The following MYO6 variants were observed in gnomAD, a reference collection of about 807,000 sequenced individuals.
The protein encoded by MYO6 is myosin VI.
A neutral mutation model predicts 178.7 loss-of-function variants in MYO6; 74 were observed. The ratio of observed to expected loss-of-function variants is 0.41; its 90% CI spans 0.34 to 0.50. The LOEUF (loss-of-function observed/expected upper bound fraction) is 0.50, where lower values mean the gene tolerates loss of function less well. Ranked by LOEUF, MYO6 falls within the 20% of genes least tolerant of loss-of-function variation. MYO6 has a pLI of 0.09. For missense variants in MYO6, 1,330 were observed against 1,547.4 expected (o/e 0.86, Z 2.36); for synonymous variants, 477 against 504.6 (o/e 0.95, Z 0.73).
At chr6:75,776,097 G>A (rs1766360371) in intron 1 of MYO6, among the ~76,000 whole-genome samples, 1 of 152,094 alleles carries the variant, frequency 6.6e-6, no homozygotes, top group South Asian at 2.1e-4. Flanking sequence ...GCTGTACATT[G>A]TGGTGTACTT....
At chr6:75,914,416 C>A in intron 34 of MYO6, 135 bp downstream of exon 34, 1 of 915,114 alleles carries the variant, frequency 1.1e-6, no homozygotes, top group Non-Finnish European at 1.7e-6. Context: ...GGTTAAATCA[C>A]ATTTCCAGTT....
chr6:75,860,360 G>A (rs1181071484), intron 14 of MYO6, among the ~76,000 whole-genome samples: 1 of 152,156 alleles, frequency 6.6e-6, no homozygotes, highest in East Asian at 1.9e-4. Flanking sequence ...AGTCACATTA[G>A]TTCTATTACC....
chr6:75,861,830 A>T (rs9447566), intron 15 of MYO6, among the ~76,000 whole-genome samples: 2,978 of 152,228 alleles, frequency 0.02, 95 homozygotes, highest in African/African-American at 0.068. Context: ...CATTTCCTTA[A>T]CACACGGACC....
Position 75,885,187 on chromosome 6 carries a change from A to G in MYO6, c.2417-817A>G, listed in dbSNP as rs533674567. Among the ~76,000 whole-genome samples the G allele has an allele frequency of 1.1e-3, 164 of 152,336 alleles. 1 individual carries two copies. Among genetic ancestry groups the G allele is most frequent in the Non-Finnish European group, 1.2e-3 (79 of 68,042 alleles). ...CTTGGTTGTAATTTTTGCAAAGGCA[A>G]AATTACATCTTTCAACATCTTTTTA... On this transcript the variant is annotated intron_variant, in intron 23 of 34. Transcript: ENST00000369977.
chr6:75,870,030 C>T (rs529392942), intron 18 of MYO6, among the ~76,000 whole-genome samples: 2 of 151,840 alleles, frequency 1.3e-5, no homozygotes, highest in Admixed American at 1.3e-4. Context: ...AGGAGAATGG[C>T]GTGAACCCGG....
At chr6:75,770,990 A>AC (rs1342760238) in intron 1 of MYO6, among the ~76,000 whole-genome samples, 2 of 148,678 alleles carry the variant, frequency 1.3e-5, no homozygotes, top group African/African-American at 2.5e-5. Context: ...AGATAACAGC[A>AC]CTTTTTTTTT....
rs1778991329 is a variant in MYO6, at chr6:75,892,657, G to A, written c.3074G>A (p.Ser1025Asn). Residue 1025 changes from serine to asparagine, a missense_variant, in exon 28 of 35, where the codon AGT becomes AAT. Ser to Asn is a conservative substitution (Grantham distance 46). Coordinates refer to ENST00000369977, the MANE Select transcript of MYO6 (RefSeq NM_004999.4). ...RIAQSEAELI[S>N]DEAQADLALR... is the part of the protein sequence containing the mutation. The stretch of plus-strand genomic sequence containing the variant: ...GCCCAGAGTGAAGCCGAGCTCATCA[G>A]TGATGAGGCCCAGGCCGACCTGGCG... 1.2e-6 allele frequency: 2 copies of A among 1,612,592 alleles called. No individual in the cohort carries two copies. Among genetic ancestry groups the A allele is most frequent in the Non-Finnish European group, 1.7e-6 (2 of 1,180,016 alleles).
intron 1 of MYO6, among the ~76,000 whole-genome samples, chr6:75,777,607 T>C (rs1389993212): frequency 1.3e-5 from 2 of 151,678 alleles, no homozygotes; most frequent in Non-Finnish European, 2.9e-5. Flanking sequence ...TATATATATA[T>C]ATTTTTTTTT....
chr6:75,886,147 C>A, intron 24 of MYO6, 53 bp downstream of exon 24: 1 of 1,205,902 alleles, frequency 8.3e-7, no homozygotes, highest in Non-Finnish European at 1.2e-6. Context: ...TACTGTAATA[C>A]AAAATGACAA....
intron 1 of MYO6, among the ~76,000 whole-genome samples, chr6:75,808,146 A>T (rs143101255): frequency 6.6e-6 from 1 of 152,260 alleles, no homozygotes; most frequent in African/African-American, 2.4e-5. Flanking sequence ...GGGTGGTATT[A>T]GTCTGCTAGA....
chr6:75,904,982 G>A (rs962968715), intron 30 of MYO6, among the ~76,000 whole-genome samples: 33 of 152,174 alleles, frequency 2.2e-4, no homozygotes, highest in Admixed American at 7.9e-4. Context: ...TGGAGTACCC[G>A]GCCGTGTGAG....
At chr6:75,843,095 A>G (rs1774400191) in intron 9 of MYO6, among the ~76,000 whole-genome samples, 1 of 152,110 alleles carries the variant, frequency 6.6e-6, no homozygotes, top group Non-Finnish European at 1.5e-5. Flanking sequence ...TACTATATCC[A>G]CTTCCCCCAA....
At chr6:75,902,157 G>A (rs1319286108) in intron 30 of MYO6, among the ~76,000 whole-genome samples, 7 of 152,170 alleles carry the variant, frequency 4.6e-5, no homozygotes, top group Non-Finnish European at 1.0e-4. Flanking sequence ...TTGCATCAAT[G>A]TTCTTCAAGG....
At chr6:75,786,823 C>A (rs561022612) in intron 1 of MYO6, among the ~76,000 whole-genome samples, 33 of 152,264 alleles carry the variant, frequency 2.2e-4, no homozygotes, top group African/African-American at 7.9e-4. Context: ...GACATGCTGT[C>A]CCTTTACCCC....
intron 1 of MYO6, among the ~76,000 whole-genome samples, chr6:75,804,454 T>G (rs1769795933): frequency 6.6e-6 from 1 of 152,186 alleles, no homozygotes; most frequent in African/African-American, 2.4e-5. Flanking sequence ...CTTGGCCAGA[T>G]GAAAGAGTAA....
chr6:75,854,153 A>G (rs541795456), intron 11 of MYO6, among the ~76,000 whole-genome samples: 9 of 152,064 alleles, frequency 5.9e-5, no homozygotes, highest in Non-Finnish European at 1.0e-4. Context: ...CTGCTGCAAT[A>G]TATCTTTTCC....
intron 1 of MYO6, among the ~76,000 whole-genome samples, chr6:75,768,525 C>T (rs1422464986): frequency 5.9e-5 from 9 of 151,852 alleles, no homozygotes; most frequent in African/African-American, 9.6e-5. Context: ...GGACTACAGG[C>T]GCCTGCCACT....
At chr6:75,834,373 A>T (rs1343887312) in intron 6 of MYO6, among the ~76,000 whole-genome samples, 2 of 151,908 alleles carry the variant, frequency 1.3e-5, no homozygotes, top group Non-Finnish European at 2.9e-5. Context: ...ACTGGGACCC[A>T]CAGGCATGTG....
At position 75,857,049 on chromosome 6, in the gene MYO6, C is replaced by T. The variant is rs552891640; in HGVS notation, c.1224-48C>T. ...TTAGGTGCACTCTGTGGCATTTTCA[C>T]AGTGCACTATTATAAAGAATTTTTA... On this transcript the variant is annotated intron_variant, in intron 12 of 34. Coordinates refer to ENST00000369977, the MANE Select transcript of MYO6 (RefSeq NM_004999.4). 1.1e-5 allele frequency: 17 copies of T among 1,570,346 alleles called. No individual in the cohort carries two copies. In the Admixed American group the frequency reaches 2.2e-4, roughly 20 times the overall value.
Sources: allele counts gnomAD v4.1 joint callset (sites outside exome capture counted in the v4.1 genomes callset), GRCh38; gene constraint gnomAD v4.1.1; transcripts MANE v1.5; gene names NCBI Gene and HGNC (gene_info 2026-07-23, HGNC 2026-07-21).